The following PTPRH variants were observed in gnomAD, a reference collection of about 807,000 sequenced individuals.
The protein encoded by PTPRH is receptor-type tyrosine-protein phosphatase H.
Under a neutral mutation model 130.2 loss-of-function variants are expected in PTPRH, and 113 were observed. The ratio of observed to expected loss-of-function variants is 0.87; its 90% CI spans 0.75 to 1.01. PTPRH has a LOEUF of 1.01. Ranked by LOEUF, PTPRH falls within the 50% of genes least tolerant of loss-of-function variation. PTPRH has a pLI of 0.00. For missense variants in PTPRH, 1,430 were observed against 1,425.0 expected, an observed-to-expected ratio of 1.00 and a Z score of -0.06; for synonymous variants, 556 against 577.9, an observed-to-expected ratio of 0.96 and a Z score of 0.54.
chr19:55,205,321 C>T lies in PTPRH; in HGVS notation c.619+5G>A, dbSNP rs1458906707. ...AGAGCAAAACAAATGGCGACTGCCTCTCACCTGTGGTGGCATTTCGAGTCT... is the reference window on the plus strand; with the variant it reads ...AGAGCAAAACAAATGGCGACTGCCTTTCACCTGTGGTGGCATTTCGAGTCT... On this transcript the variant is annotated splice_donor_5th_base_variant and intron_variant, in intron 4 of 19. Coordinates refer to ENST00000376350, the MANE Select transcript of PTPRH (RefSeq NM_002842.5). The T allele has an allele frequency of 6.2e-7, 1 of 1,614,174 alleles. No homozygotes were observed. Among genetic ancestry groups the T allele is most frequent in the South Asian group, 1.1e-5 (1 of 91,080 alleles).
chr19:55,196,186 G>A (rs555322226), intron 10 of PTPRH, among the ~76,000 whole-genome samples: 1 of 152,076 alleles, frequency 6.6e-6, no homozygotes, highest in Non-Finnish European at 1.5e-5. Flanking sequence ...TCAGGAGTTC[G>A]AGACCAGCCT....
chr19:55,188,435 C>T (rs1003963128), intron 12 of PTPRH, among the ~76,000 whole-genome samples: 5 of 152,166 alleles, frequency 3.3e-5, no homozygotes, highest in African/African-American at 1.2e-4. Context: ...ATCTCTTGAA[C>T]CCGTGAGGCA....
At chr19:55,206,995 G>A in intron 2 of PTPRH, 40 bp from the exon 3 acceptor site, 3 of 1,566,096 alleles carry the variant, frequency 1.9e-6, no homozygotes, top group Non-Finnish European at 2.6e-6. Flanking sequence ...AAGGGAACCA[G>A]GTCAGTACAA....
At chr19:55,203,675 T>A in intron 5 of PTPRH, 107 bp downstream of exon 5, 3 of 1,329,204 alleles carry the variant, frequency 2.3e-6, no homozygotes, top group South Asian at 3.4e-5. Flanking sequence ...TGGCTTCCAC[T>A]GTGTTTCTAT....
At chr19:55,183,450 G>A (rs939563114) in intron 18 of PTPRH, among the ~76,000 whole-genome samples, 10 of 147,222 alleles carry the variant, frequency 6.8e-5, no homozygotes, top group African/African-American at 2.5e-4. Flanking sequence ...TAAGCTGGGC[G>A]CACTGGCTCA....
rs531709901 is a variant in PTPRH, at chr19:55,198,525, C to T, written c.1690+118G>A. On this transcript the variant is annotated intron_variant, in intron 8 of 19. Transcript: ENST00000376350. The stretch of plus-strand genomic sequence containing the variant: ...GGGACCTACAGGTTTAAGCTCCGGC[C>T]GGTGAGGCTGGAGAGGCCCATGGGT... 275 of 1,134,212 alleles carry T rather than the reference C, an allele frequency of 2.4e-4. 1 individual carries two copies. Among genetic ancestry groups the T allele is most frequent in the Non-Finnish European group, 3.1e-4 (262 of 849,430 alleles). The allele number at this position is 1,134,212 out of a possible 1,614,324, so 70.3% of individuals were successfully genotyped here.
At chr19:55,201,173 G>C (rs11670879) in intron 6 of PTPRH, among the ~76,000 whole-genome samples, 26,431 of 151,914 alleles carry the variant, frequency 0.17, 2,686 homozygotes, top group Admixed American at 0.31. Flanking sequence ...TTGAGGCCAG[G>C]AGTTAGAGAC....
intron 10 of PTPRH, among the ~76,000 whole-genome samples, chr19:55,195,810 A>C (rs1194723235): frequency 6.6e-6 from 1 of 151,988 alleles, no homozygotes; most frequent in East Asian, 1.9e-4. Flanking sequence ...AGCTCAAGTG[A>C]TCCTTCCACC....
Position 55,188,154 on chromosome 19 carries a change from A to G in PTPRH, c.2399T>C (p.Ile800Thr). The G allele has an allele frequency of 6.2e-7, 1 of 1,613,862 alleles. No homozygotes were observed. Among genetic ancestry groups the G allele is most frequent in the Non-Finnish European group, 8.5e-7 (1 of 1,179,836 alleles). Residue 800 changes from isoleucine to threonine, a missense_variant, in exon 13 of 20, where the codon ATC (isoleucine) becomes ACC (threonine). Coordinates refer to ENST00000376350, the MANE Select transcript of PTPRH (RefSeq NM_002842.5). ...GTGGTCAGCGAAGTCTTCAGCTGGG[A>G]TGTCCCCTGGGGAGCTACGGGTTTT... Reference protein sequence around the residue: ...RDLVFSSPGDIPAEDFADHVR... With the variant: ...RDLVFSSPGDTPAEDFADHVR...
At chr19:55,185,729 G>A (rs1274757668) in intron 17 of PTPRH, 67 bp from the exon 18 acceptor site, 3 of 1,597,312 alleles carry the variant, frequency 1.9e-6, no homozygotes, top group South Asian at 1.1e-5. Flanking sequence ...CTAGCACCAG[G>A]AGCGGGTTCC....
intron 14 of PTPRH, 69 bp from the exon 15 acceptor site, chr19:55,186,609 G>A: frequency 2.6e-6 from 4 of 1,528,040 alleles, no homozygotes; most frequent in Non-Finnish European, 3.6e-6. Flanking sequence ...ACCACAGGCA[G>A]AGAGACCCAG....
At chr19:55,197,096 A>T (rs2147498465) in intron 9 of PTPRH, 21 bp downstream of exon 9, 2 of 1,610,918 alleles carry the variant, frequency 1.2e-6, no homozygotes, top group Non-Finnish European at 1.7e-6. Flanking sequence ...CACCACTTGA[A>T]GGCAGGAAGG....
intron 2 of PTPRH, 65 bp downstream of exon 2, chr19:55,207,101 A>G (rs2087091274): frequency 6.2e-7 from 1 of 1,602,866 alleles, no homozygotes; most frequent in Non-Finnish European, 8.5e-7. Context: ...GACCCCCCAG[A>G]GGCTCACGGC....
chr19:55,194,548 C>A (rs2086631378), intron 10 of PTPRH, among the ~76,000 whole-genome samples: 1 of 152,124 alleles, frequency 6.6e-6, no homozygotes, highest in African/African-American at 2.4e-5. Flanking sequence ...TCATAAGAAA[C>A]CCTATTCCTA....
rs1178659881 is a variant in PTPRH, at chr19:55,182,141, C to T, written c.3073G>A (p.Gly1025Ser). Residue 1025 changes from glycine (G) to serine (S), a missense_variant, in exon 19 of 20, where the codon GGT (glycine) becomes AGT (serine). Transcript: ENST00000376350. ...AGGGCAATGAGGGTTCCTGTGCGAC[C>T]CACGCCAGCACTAGGCAGAACAAGG... ...PPIVHCSAGV[G>S]RTGTLIALDV... The T allele has an allele frequency of 6.2e-7, 1 of 1,613,820 alleles. No homozygotes were observed. Among genetic ancestry groups the T allele is most frequent in the Non-Finnish European group, 8.5e-7 (1 of 1,180,018 alleles).
intron 17 of PTPRH, 86 bp from the exon 18 acceptor site, chr19:55,185,748 C>A (rs943068787): frequency 2.1e-5 from 33 of 1,595,632 alleles, no homozygotes; most frequent in Admixed American, 3.4e-5. Context: ...CCCTGGGGCA[C>A]ACTGCAGCTC....
In PTPRH at chr19:55,182,179, C is replaced by A. The variant is rs764690888; in HGVS notation, c.3063-28G>T. 19 of 1,609,530 alleles carry A rather than the reference C, an allele frequency of 1.2e-5. No individual in the cohort carries two copies. In the Admixed American group the frequency reaches 3.2e-4, roughly 27 times the overall value. On this transcript the variant is annotated intron_variant, in intron 18 of 19. Transcript: ENST00000376350. ...AGGCAGAACAAGGGAAGGGTCAGAC[C>A]AAGGGGCAGGAGTGTGAGGGTCCGG...
intron 10 of PTPRH, among the ~76,000 whole-genome samples, chr19:55,192,403 AAAAC>A (rs751483488): frequency 2.0e-5 from 3 of 151,974 alleles, no homozygotes; most frequent in Non-Finnish European, 2.9e-5. Flanking sequence ...CTCTGTCTCA[AAAAC>A]AAACAAACAA....
intron 7 of PTPRH, 48 bp downstream of exon 7, chr19:55,200,188 G>C: frequency 6.2e-7 from 1 of 1,603,162 alleles, no homozygotes; most frequent in Non-Finnish European, 8.5e-7. Context: ...GCTCCTGCTG[G>C]TTCTTAACCT....
Sources: allele counts gnomAD v4.1 joint callset (sites outside exome capture counted in the v4.1 genomes callset), GRCh38; gene constraint gnomAD v4.1.1; transcripts MANE v1.5; gene names NCBI Gene and HGNC (gene_info 2026-07-23, HGNC 2026-07-21).